Variants in NCR1 observed in about 807,000 individuals in gnomAD.
NCR1 encodes the protein natural cytotoxicity triggering receptor 1.
A neutral mutation model predicts 32.5 loss-of-function variants in NCR1; 30 were observed. That is an observed-to-expected ratio of 0.92 (90% CI 0.69 to 1.25). The LOEUF (loss-of-function observed/expected upper bound fraction) is 1.25, where lower values mean the gene tolerates loss of function less well. NCR1 is among the 50% of genes most tolerant of loss of function. NCR1 has a pLI of 0.00. For synonymous variants in NCR1, 169 were observed against 143.4 expected (o/e 1.18, Z -1.28); for missense variants, 369 against 380.7 (o/e 0.97, Z 0.26).
At chr19:54,918,322 G>C (rs958867316), downstream of NCR1, among the ~76,000 whole-genome samples, 3 of 152,048 alleles carry the variant, frequency 2.0e-5, no homozygotes, top group African/African-American at 7.2e-5. Context: ...CTGGAGTGCA[G>C]TGTCGTGGCC....
chr19:54,919,151 C>G (rs1033359199), downstream of NCR1, among the ~76,000 whole-genome samples: 1 of 152,112 alleles, frequency 6.6e-6, no homozygotes, highest in Admixed American at 6.6e-5. Context: ...TAGGGACCAG[C>G]CCCACAGGGT....
the NCR1 span, among the ~76,000 whole-genome samples, chr19:54,900,196 C>T: frequency 6.6e-5 from 10 of 152,050 alleles, no homozygotes; most frequent in South Asian, 2.1e-4. Context: ...CACTCACGTC[C>T]GTGTGAAGAG....
intron 3 of NCR1, 35 bp from the exon 4 acceptor site, chr19:54,909,210 A>G (rs1380779997): frequency 1.3e-6 from 2 of 1,576,362 alleles, no homozygotes; most frequent in African/African-American, 2.7e-5. Flanking sequence ...CTCATCACTG[A>G]GTTTCTGGTG....
the NCR1 span, among the ~76,000 whole-genome samples, chr19:54,926,227 T>TGTGTGTGTGC: frequency 0.077 from 11,618 of 150,626 alleles, 741 homozygotes; most frequent in East Asian, 0.32. Flanking sequence ...TGTGTGTGTG[T>TGTGTGTGTGC]GCTCATGCAC....
chr19:54,916,317 C>CTT (rs71181711), downstream of NCR1, among the ~76,000 whole-genome samples: 478 of 87,082 alleles, frequency 5.5e-3, 40 homozygotes, highest in Non-Finnish European at 8.0e-3. Flanking sequence ...GAATATTGTG[C>CTT]TTTTTTTTTT....
Position 54,907,036 on chromosome 19 carries a change from T to A in NCR1, c.355+229T>A, listed in dbSNP as rs1053957933. On this transcript the variant is annotated intron_variant, in intron 3 of 6. Coordinates refer to ENST00000291890, the MANE Select transcript of NCR1 (RefSeq NM_004829.7). ...GTCAGTTTCTCCATGACACAGATTC[T>A]GAGATAGATATTTGTATGCAGGGGT... is the stretch of plus-strand genomic sequence containing the variant. 1.3e-4 allele frequency among the ~76,000 whole-genome samples: 20 copies of A among 152,108 alleles called. No individual in the cohort carries two copies. The East Asian group carries it at 1.7e-3, about 13-fold the overall frequency.
the NCR1 span, chr19:54,923,866 C>G: frequency 6.2e-7 from 1 of 1,613,792 alleles, no homozygotes; most frequent in Non-Finnish European, 8.5e-7. Context: ...TTTCATAGGT[C>G]TTCAACCTGG....
At chr19:54,937,221 A>C in the NCR1 span, among the ~76,000 whole-genome samples, 3 of 151,930 alleles carry the variant, frequency 2.0e-5, no homozygotes, top group East Asian at 1.9e-4. Context: ...GTCTCAAAAA[A>C]AAAAAAAAAA....
the NCR1 span, among the ~76,000 whole-genome samples, chr19:54,924,965 A>G: frequency 1.6e-4 from 24 of 152,082 alleles, no homozygotes; most frequent in East Asian, 1.3e-3. Context: ...ATAGTGGCAA[A>G]TCAAACCTTC....
At chr19:54,919,722 C>CCCCG (rs2068208877), downstream of NCR1, among the ~76,000 whole-genome samples, 2 of 147,434 alleles carry the variant, frequency 1.4e-5, no homozygotes, top group African/African-American at 2.5e-5. Flanking sequence ...AGACCCCCCC[C>CCCCG]CCCACCCGCT....
the NCR1 span, among the ~76,000 whole-genome samples, chr19:54,932,120 CTGTT>C: frequency 1.3e-5 from 2 of 152,052 alleles, no homozygotes; most frequent in African/African-American, 2.4e-5. Flanking sequence ...AGGTAGGTGA[CTGTT>C]TGTTTAACAA....
Position 54,909,379 on chromosome 19 carries a change from G to C in NCR1, c.490G>C (p.Val164Leu), listed in dbSNP as rs199912363. 8.7e-6 allele frequency: 14 copies of C among 1,613,934 alleles called. No homozygotes were observed. The Admixed American group carries it at 2.0e-4, about 23-fold the overall frequency. Residue 164 changes from valine (V) to leucine (L), a missense_variant, in exon 4 of 7, where the codon GTA becomes CTA. By Grantham distance (32) the Val-to-Leu change is conservative (BLOSUM62 1). Transcript: ENST00000291890. Reference sequence around the variant, plus strand: ...GCTCAAGGAGGGAAGATCCAGCCACGTACAGCGCGGATACGGGAAGGTCCA... The same window carrying C: ...GCTCAAGGAGGGAAGATCCAGCCACCTACAGCGCGGATACGGGAAGGTCCA... Reference protein sequence around the residue: ...LLLKEGRSSHVQRGYGKVQAE... With the variant: ...LLLKEGRSSHLQRGYGKVQAE...
At chr19:54,936,157 T>C in the NCR1 span, 2 of 987,908 alleles carry the variant, frequency 2.0e-6, no homozygotes, top group African/African-American at 1.6e-5. Context: ...ATACATTCCC[T>C]GTCTGGGACG....
chr19:54,903,401 T>G (rs2067352133), upstream of NCR1, among the ~76,000 whole-genome samples: 1 of 142,090 alleles, frequency 7.0e-6, no homozygotes, highest in African/African-American at 2.6e-5. Flanking sequence ...TATATGTATA[T>G]GTATGTATAC....
At chr19:54,923,027 C>T in the NCR1 span, among the ~76,000 whole-genome samples, 22 of 152,136 alleles carry the variant, frequency 1.4e-4, no homozygotes, top group African/African-American at 3.6e-4. Context: ...CCGTGGGAGC[C>T]GAGCAGAACC....
intron 3 of NCR1, among the ~76,000 whole-genome samples, 200 bp downstream of exon 3, chr19:54,907,007 CTCAG>C (rs1334863250): frequency 6.6e-6 from 1 of 152,104 alleles, no homozygotes; most frequent in African/African-American, 2.4e-5. Flanking sequence ...CAGATGTGTC[CTCAG>C]TCAGTTTCTC....
At chr19:54,931,075 T>TAGGA in the NCR1 span, among the ~76,000 whole-genome samples, 2 of 152,088 alleles carry the variant, frequency 1.3e-5, no homozygotes, top group Non-Finnish European at 2.9e-5. Flanking sequence ...AGGTGGCAGG[T>TAGGA]AGGAATTGAC....
At chr19:54,903,667 A>G (rs754065060), upstream of NCR1, among the ~76,000 whole-genome samples, 3 of 148,070 alleles carry the variant, frequency 2.0e-5, no homozygotes, top group South Asian at 4.2e-4. Context: ...ATATATGTAT[A>G]CATATATGTA....
chr19:54,903,549 T>C (rs1186625720), upstream of NCR1, among the ~76,000 whole-genome samples: 5 of 140,510 alleles, frequency 3.6e-5, no homozygotes, highest in South Asian at 2.2e-4. Flanking sequence ...TGTATGCATG[T>C]GTGTATATAT....
Sources: gnomAD v4.1 joint callset for allele counts (sites outside exome capture counted in the v4.1 genomes callset) on GRCh38, gnomAD v4.1.1 for gene constraint, MANE v1.5 for transcripts, NCBI Gene and HGNC (gene_info 2026-07-23, HGNC 2026-07-21) for gene names.